MYO5A: variants seen among roughly 807,000 people sequenced by gnomAD.
MYO5A encodes the protein myosin VA.
In MYO5A, 98 loss-of-function variants were observed where a neutral mutation model predicts 249.7. The ratio of observed to expected loss-of-function variants is 0.39; its 90% CI spans 0.33 to 0.46. MYO5A has a LOEUF of 0.46. Among genes scored for constraint, MYO5A ranks in the 20% least tolerant of loss-of-function variants. The pLI is 0.98. For synonymous variants in MYO5A, 778 were observed against 810.6 expected (o/e 0.96, Z 0.68); for missense variants, 1,696 against 2,308.8 (o/e 0.73, Z 5.44).
intron 1 of MYO5A, among the ~76,000 whole-genome samples, chr15:52,453,801 T>A (rs2076066602): frequency 6.6e-6 from 1 of 152,162 alleles, no homozygotes; most frequent in African/African-American, 2.4e-5. Flanking sequence ...TTGACATAAC[T>A]TATTATATCT....
At chr15:52,340,753 C>T (rs1349594792) in intron 31 of MYO5A, among the ~76,000 whole-genome samples, 5 of 152,082 alleles carry the variant, frequency 3.3e-5, no homozygotes, top group African/African-American at 1.2e-4. Context: ...TTAAGACCAG[C>T]CTGGCCAACA....
intron 1 of MYO5A, among the ~76,000 whole-genome samples, chr15:52,512,236 TA>T (rs2077407025): frequency 6.6e-6 from 1 of 152,018 alleles, no homozygotes; most frequent in Non-Finnish European, 1.5e-5. Flanking sequence ...AAAAATGGGA[TA>T]TTTTGCAATT....
chr15:52,483,982 C>T (rs1351202951), intron 1 of MYO5A, among the ~76,000 whole-genome samples: 2 of 152,188 alleles, frequency 1.3e-5, no homozygotes, highest in Non-Finnish European at 2.9e-5. Flanking sequence ...CATCTGGTAG[C>T]TGGGGCTCTA....
Position 52,433,278 on chromosome 15 carries a change from C to A in MYO5A, c.35G>T (p.Arg12Met). 1 of 1,611,948 alleles carries A rather than the reference C, an allele frequency of 6.2e-7. No homozygotes were observed. Among genetic ancestry groups the A allele is most frequent in the South Asian group, 1.1e-5 (1 of 90,984 alleles). Residue 12 changes from arginine (R) to methionine (M), a missense_variant, in exon 2 of 42, where the codon AGG becomes ATG. By Grantham distance (91) the Arg-to-Met change is moderately conservative. Around this residue, in one of 5 missense-constraint regions of MYO5A, gnomAD observed 197 missense variants for 320.3 expected, o/e 0.62. Transcript: ENST00000399233. ...AASELYTKFA[R>M]VWIPDPEEVW... ...TTCCTCTGGATCAGGTATCCAAACC[C>A]TGGCAAACTAGAAGACAAAAAGAAA...
intron 1 of MYO5A, among the ~76,000 whole-genome samples, chr15:52,512,519 A>T (rs539774595): frequency 8.2e-4 from 124 of 150,806 alleles, no homozygotes; most frequent in African/African-American, 2.6e-3. Context: ...TTCGCTAAAA[A>T]ATATATATAT....
intron 1 of MYO5A, among the ~76,000 whole-genome samples, chr15:52,455,417 T>TA (rs562865464): frequency 1.9e-3 from 289 of 152,072 alleles, no homozygotes; most frequent in South Asian, 0.017. Flanking sequence ...CTCAAACTCT[T>TA]CAAAAAAATT....
chr15:52,398,074 AATC>A (rs2042566909), intron 9 of MYO5A, among the ~76,000 whole-genome samples: 2 of 151,978 alleles, frequency 1.3e-5, no homozygotes, highest in South Asian at 2.1e-4. Context: ...GTGGGAAGGA[AATC>A]ATCAATAGGA....
At chr15:52,389,742 C>CA (rs559735374) in intron 12 of MYO5A, among the ~76,000 whole-genome samples, 1 of 152,132 alleles carries the variant, frequency 6.6e-6, no homozygotes, top group Non-Finnish European at 1.5e-5. Flanking sequence ...CACCTGAGGT[C>CA]AGGAGTTCGA....
chr15:52,412,617 T>C (rs1273043708), intron 5 of MYO5A, among the ~76,000 whole-genome samples: 1 of 152,174 alleles, frequency 6.6e-6, no homozygotes, highest in African/African-American at 2.4e-5. Context: ...GAAATTTCTA[T>C]ACATAAACAG....
intron 40 of MYO5A, 22 bp downstream of exon 40, chr15:52,317,026 G>T (rs528374443): frequency 1.9e-6 from 3 of 1,605,038 alleles, no homozygotes; most frequent in African/African-American, 1.3e-5. Flanking sequence ...AAATTATTTT[G>T]TAACAGGGAA....
Position 52,398,747 on chromosome 15 carries a change from G to A in MYO5A, c.1054-1281C>T, listed in dbSNP as rs1003897796. Reference sequence around the variant, plus strand: ...CTCACGCCTGTAATCCCAGCACTTCGGGAGGCTAAGGCAGGAGGATCACCT... The same window carrying A: ...CTCACGCCTGTAATCCCAGCACTTCAGGAGGCTAAGGCAGGAGGATCACCT... On this transcript the variant is annotated intron_variant, in intron 9 of 41. Coordinates refer to ENST00000399233, the MANE Select transcript of MYO5A (RefSeq NM_001382347.1). Among the ~76,000 whole-genome samples the A allele has an allele frequency of 1.5e-4, 23 of 152,326 alleles. No individual in the cohort carries two copies. In the South Asian group the frequency reaches 1.7e-3, roughly 11 times the overall value.
At chr15:52,395,574 A>G (rs910791671) in intron 11 of MYO5A, among the ~76,000 whole-genome samples, 1 of 152,136 alleles carries the variant, frequency 6.6e-6, no homozygotes, top group Non-Finnish European at 1.5e-5. Context: ...GACCCTTTAC[A>G]TATTCCAACT....
intron 8 of MYO5A, among the ~76,000 whole-genome samples, 174 bp from the exon 9 acceptor site, chr15:52,405,567 G>C (rs1443582500): frequency 6.6e-6 from 1 of 152,228 alleles, no homozygotes. Flanking sequence ...ACATTAGGCA[G>C]TTTAGCATCA....
At chr15:52,334,675 C>T (rs982799022) in intron 34 of MYO5A, among the ~76,000 whole-genome samples, 5 of 152,122 alleles carry the variant, frequency 3.3e-5, no homozygotes, top group African/African-American at 1.2e-4. Context: ...ACTCAACAAA[C>T]ATTTATGGAA....
intron 1 of MYO5A, among the ~76,000 whole-genome samples, chr15:52,471,065 C>T (rs1299537089): frequency 6.6e-6 from 1 of 151,508 alleles, no homozygotes; most frequent in African/African-American, 2.4e-5. Context: ...TTCTTGTTGT[C>T]CAGACCTTCT....
chr15:52,340,529 AT>A, intron 31 of MYO5A, 135 bp from the exon 32 acceptor site: 1 of 767,618 alleles, frequency 1.3e-6, no homozygotes. Flanking sequence ...TTCTGACTTG[AT>A]TAAAGTCAAG....
intron 1 of MYO5A, among the ~76,000 whole-genome samples, chr15:52,460,251 C>T (rs941273977): frequency 9.9e-5 from 15 of 152,062 alleles, no homozygotes; most frequent in African/African-American, 3.6e-4. Context: ...GGGTGGCGGC[C>T]GGGCAGAGGC....
rs141829184 is a variant in MYO5A at position 52,494,194 on chromosome 15, C to T, written c.27+34586G>A. On this transcript the variant is annotated intron_variant, in intron 1 of 41. Transcript: ENST00000399233. The stretch of plus-strand genomic sequence containing the variant: ...TCATCTTTGATCTCCAAACAAAAAG[C>T]ATTAATGACTCATCATCAAAACATT... Among the ~76,000 whole-genome samples the T allele has an allele frequency of 5.9e-5, 9 of 152,282 alleles. No homozygotes were observed. The East Asian group carries it at 1.7e-3, about 29-fold the overall frequency.
At chr15:52,386,420 T>C (rs2041975314) in intron 14 of MYO5A, among the ~76,000 whole-genome samples, 1 of 152,174 alleles carries the variant, frequency 6.6e-6, no homozygotes, top group African/African-American at 2.4e-5. Flanking sequence ...ATTTTATCAT[T>C]ACTTATAAAT....
Sources: gnomAD v4.1 joint callset for allele counts (sites outside exome capture counted in the v4.1 genomes callset) on GRCh38, gnomAD v4.1.1 for gene constraint, gnomAD v4.1.1 regional missense constraint, MANE v1.5 for transcripts, NCBI Gene and HGNC (gene_info 2026-07-23, HGNC 2026-07-21) for gene names.